PRCP: variants seen among roughly 807,000 people sequenced by gnomAD.
PRCP encodes lysosomal Pro-X carboxypeptidase.
In PRCP, 46 loss-of-function variants were observed where a neutral mutation model predicts 54.2. The ratio of observed to expected loss-of-function variants is 0.85; its 90% CI spans 0.67 to 1.09. The LOEUF is 1.09. Among genes scored for constraint, PRCP ranks in the 50% least tolerant of loss-of-function variants. The pLI is 0.00. For missense variants in PRCP, 613 were observed against 596.8 expected (o/e 1.03, Z -0.28); for synonymous variants, 240 against 212.2 (o/e 1.13, Z -1.14).
At chr11:82,839,994 TC>T (rs953809797) in intron 6 of PRCP, 1 of 152,374 alleles carries the variant, frequency 6.6e-6, no homozygotes, top group Non-Finnish European at 1.5e-5. Flanking sequence ...TCAGAATGTC[TC>T]CCTCAGTACT....
chr11:82,841,035 G>A (rs946053290), intron 6 of PRCP, among the ~76,000 whole-genome samples: 17 of 76,230 alleles, frequency 2.2e-4, no homozygotes, highest in Non-Finnish European at 1.6e-4. Context: ...CATTTCATAC[G>A]GAAAAGATTA....
At chr11:82,870,647 A>G (rs1859457852) in intron 1 of PRCP, among the ~76,000 whole-genome samples, 1 of 152,260 alleles carries the variant, frequency 6.6e-6, no homozygotes, top group Non-Finnish European at 1.5e-5. Flanking sequence ...TGATTTAAAG[A>G]CAGAGGTAAA....
intron 1 of PRCP, among the ~76,000 whole-genome samples, chr11:82,872,787 C>T (rs1483367264): frequency 3.3e-5 from 5 of 152,084 alleles, no homozygotes; most frequent in African/African-American, 1.2e-4. Flanking sequence ...ACTCTGCAGC[C>T]CTAAGAAACT....
At chr11:82,858,540 C>T (rs1465430326) in intron 2 of PRCP, 5 of 152,234 alleles carry the variant, frequency 3.3e-5, no homozygotes, top group Non-Finnish European at 5.9e-5. Flanking sequence ...CCACCACTTT[C>T]GAGAACAGAG....
At chr11:82,881,762 A>G (rs1859754697) in intron 1 of PRCP, among the ~76,000 whole-genome samples, 1 of 152,178 alleles carries the variant, frequency 6.6e-6, no homozygotes, top group Non-Finnish European at 1.5e-5. Flanking sequence ...GAGAATCAGA[A>G]AATTCCAAAG....
In PRCP at chr11:82,878,721, T is replaced by C. The variant is rs188274136; in HGVS notation, c.169-18604A>G. ...AGTTTAGTGCTTCCTTCAGGAACGC[T>C]TGTAGGGCAGGCCTGGTGGTGACAA... is the stretch of plus-strand genomic sequence containing the variant. On this transcript the variant is annotated intron_variant, in intron 1 of 8. Coordinates refer to ENST00000313010, the MANE Select transcript of PRCP (RefSeq NM_005040.4). 9.2e-5 allele frequency among the ~76,000 whole-genome samples: 14 copies of C among 152,348 alleles called. 2 individuals are homozygous for C. The East Asian group carries it at 1.5e-3, about 17-fold the overall frequency.
At chr11:82,900,446 A>T (rs752102154), upstream of PRCP, 1 of 1,595,098 alleles carries the variant, frequency 6.3e-7, no homozygotes. Context: ...GGCGAAAAGG[A>T]GGCCAGCAGA....
chr11:82,900,178 A>G, intron 1 of PRCP, 57 bp downstream of exon 1: 2 of 1,587,998 alleles, frequency 1.3e-6, no homozygotes, highest in Non-Finnish European at 1.7e-6. Flanking sequence ...CCGGGCTCTG[A>G]GGGTCAGGGT....
At chr11:82,862,078 A>AAAAAAAAATCC (rs1394420313) in intron 1 of PRCP, among the ~76,000 whole-genome samples, 4 of 122,516 alleles carry the variant, frequency 3.3e-5, no homozygotes, top group African/African-American at 1.7e-4. Flanking sequence ...TACAAAATCA[A>AAAAAAAAATCC]AAAAAAAAAT....
intron 1 of PRCP, among the ~76,000 whole-genome samples, chr11:82,879,106 T>C (rs1859682419): frequency 6.6e-6 from 1 of 152,258 alleles, no homozygotes; most frequent in Non-Finnish European, 1.5e-5. Flanking sequence ...GAAGTTCTCC[T>C]GGATAATATC....
chr11:82,895,328 T>C (rs902350585), intron 1 of PRCP, among the ~76,000 whole-genome samples: 1 of 152,148 alleles, frequency 6.6e-6, no homozygotes, highest in African/African-American at 2.4e-5. Context: ...TTAGGTTTTG[T>C]TGTAGTTGTT....
intron 1 of PRCP, among the ~76,000 whole-genome samples, chr11:82,881,672 C>A (rs1432406885): frequency 6.6e-6 from 1 of 152,030 alleles, no homozygotes; most frequent in Non-Finnish European, 1.5e-5. Context: ...CCTGGGAAAG[C>A]AAAGAAGGGG....
rs576916481 is a variant in PRCP, at chr11:82,834,231, T to C, written c.1274+4156A>G. 2.0e-5 allele frequency among the ~76,000 whole-genome samples: 3 copies of C among 152,338 alleles called. No individual in the cohort carries two copies. In the East Asian group the frequency reaches 5.8e-4, roughly 29 times the overall value. ...GCGATACATTTGTGCTGTTTATATA[T>C]TACCCAGTCTCAGGTGTTTTGCTAT... On this transcript the variant is annotated intron_variant, in intron 8 of 8. Transcript: ENST00000313010.
intron 1 of PRCP, among the ~76,000 whole-genome samples, chr11:82,874,690 CAAAAA>C (rs36084037): frequency 1.5e-5 from 1 of 68,832 alleles, no homozygotes. Context: ...GACCCTGTCT[CAAAAA>C]AAAAAAAAAA....
intron 1 of PRCP, among the ~76,000 whole-genome samples, chr11:82,870,433 A>ATCAATAGCT (rs1334159119): frequency 6.6e-6 from 1 of 152,230 alleles, no homozygotes; most frequent in Non-Finnish European, 1.5e-5. Flanking sequence ...GGTCAATAGC[A>ATCAATAGCT]CCAACAGAAG....
chr11:82,853,553 G>T (rs1859011021), intron 2 of PRCP, among the ~76,000 whole-genome samples: 1 of 152,126 alleles, frequency 6.6e-6, no homozygotes, highest in African/African-American at 2.4e-5. Flanking sequence ...TCTAGCCCTA[G>T]CATCAACATT....
intron 1 of PRCP, among the ~76,000 whole-genome samples, chr11:82,892,193 A>G (rs1186726296): frequency 1.3e-5 from 2 of 152,138 alleles, no homozygotes; most frequent in African/African-American, 4.8e-5. Context: ...TGAAAGAAAC[A>G]GATAAAAAAC....
intron 1 of PRCP, among the ~76,000 whole-genome samples, chr11:82,883,075 G>A (rs1859789472): frequency 6.6e-6 from 1 of 152,218 alleles, no homozygotes; most frequent in Non-Finnish European, 1.5e-5. Context: ...TTATTTGTCT[G>A]AAGAGCTGAT....
At chr11:82,866,780 G>A (rs569382670) in intron 1 of PRCP, among the ~76,000 whole-genome samples, 78 of 152,058 alleles carry the variant, frequency 5.1e-4, no homozygotes, top group African/African-American at 1.8e-3. Context: ...GGAGTGCAGG[G>A]GCGTGATCTC....
Sources: allele counts gnomAD v4.1 joint callset (sites outside exome capture counted in the v4.1 genomes callset), GRCh38; gene constraint gnomAD v4.1.1; transcripts MANE v1.5; gene names NCBI Gene and HGNC (gene_info 2026-07-23, HGNC 2026-07-21).